Variants in LRP1B observed in about 807,000 individuals in gnomAD.
LRP1B encodes the protein LDL receptor related protein 1B.
A neutral mutation model predicts 556.6 loss-of-function variants in LRP1B; 217 were observed. That is an observed-to-expected ratio of 0.39 (90% CI 0.35 to 0.44). LRP1B has a LOEUF of 0.44. Ranked by LOEUF, LRP1B falls within the 20% of genes least tolerant of loss-of-function variation. The probability of loss-of-function intolerance (pLI) is 1.00; values close to 1 mark genes in which losing one functional copy is unlikely to be tolerated. For synonymous variants in LRP1B, 2,047 were observed against 1,865.8 expected (o/e 1.10, Z -2.50); for missense variants, 5,053 against 5,620.8 (o/e 0.90, Z 3.23).
At chr2:141,847,566 A>G (rs1574422844) in intron 1 of LRP1B, among the ~76,000 whole-genome samples, 1 of 151,730 alleles carries the variant, frequency 6.6e-6, no homozygotes, top group Non-Finnish European at 1.5e-5. Context: ...TATAATATTT[A>G]CAAATATGTG....
At chr2:141,857,600 G>A (rs1574434138) in intron 1 of LRP1B, among the ~76,000 whole-genome samples, 1 of 152,000 alleles carries the variant, frequency 6.6e-6, no homozygotes, top group Non-Finnish European at 1.5e-5. Context: ...ACCTCCTAAA[G>A]TGCCAGGATT....
intron 83 of LRP1B, among the ~76,000 whole-genome samples, chr2:140,301,998 C>G (rs1683852784): frequency 6.6e-6 from 1 of 152,022 alleles, no homozygotes; most frequent in Admixed American, 6.6e-5. Context: ...AATTACTTCT[C>G]AACCATTATC....
At chr2:140,745,567 GTA>G (rs1688287950) in intron 35 of LRP1B, among the ~76,000 whole-genome samples, 1 of 152,098 alleles carries the variant, frequency 6.6e-6, no homozygotes, top group Non-Finnish European at 1.5e-5. Flanking sequence ...TTTTCTGTGT[GTA>G]TATGTGTGTG....
intron 35 of LRP1B, among the ~76,000 whole-genome samples, chr2:140,741,983 T>G (rs1209998090): frequency 6.6e-6 from 1 of 152,190 alleles, no homozygotes; most frequent in Admixed American, 6.5e-5. Flanking sequence ...CACACTAGTA[T>G]TAGTTGACTA....
intron 5 of LRP1B, among the ~76,000 whole-genome samples, chr2:141,233,623 G>A (rs757247027): frequency 6.6e-6 from 1 of 151,972 alleles, no homozygotes; most frequent in Non-Finnish European, 1.5e-5. Flanking sequence ...TCTTCTCACA[G>A]TCAAAAATAT....
intron 31 of LRP1B, among the ~76,000 whole-genome samples, chr2:140,831,098 G>C (rs1310900510): frequency 6.6e-6 from 1 of 152,004 alleles, no homozygotes; most frequent in Admixed American, 6.6e-5. Context: ...TCATGGAGTA[G>C]AACAATTAGA....
rs915222680 is a variant in LRP1B, at chr2:141,035,817, C to A, written c.1789+13169G>T. On this transcript the variant is annotated intron_variant, in intron 11 of 90. Transcript: ENST00000389484. ...AAATCTTTTTGCATCAAGTAAAATGCCTTTATGTGTAAACTGTGGATATTT... is the reference window on the plus strand; with the variant it reads ...AAATCTTTTTGCATCAAGTAAAATGACTTTATGTGTAAACTGTGGATATTT... 2.6e-5 allele frequency among the ~76,000 whole-genome samples: 4 copies of A among 151,984 alleles called. No individual in the cohort carries two copies. The South Asian group carries it at 6.2e-4, about 24-fold the overall frequency.
chr2:140,773,620 T>C (rs542251564), intron 33 of LRP1B, among the ~76,000 whole-genome samples: 1 of 151,152 alleles, frequency 6.6e-6, no homozygotes, highest in South Asian at 2.1e-4. Flanking sequence ...ATATAATATT[T>C]CAGATAAATA....
chr2:141,010,027 A>G (rs1200310094), intron 14 of LRP1B, among the ~76,000 whole-genome samples: 1 of 152,086 alleles, frequency 6.6e-6, no homozygotes, highest in Admixed American at 6.6e-5. Context: ...TACCTATTTT[A>G]AATATATGTT....
rs2105095052 is a variant in LRP1B, at chr2:140,840,038, T to A, written c.5162A>T (p.Asp1721Val). The A allele has an allele frequency of 6.2e-7, 1 of 1,611,646 alleles. No homozygotes were observed. The highest frequency in any genetic ancestry group is 8.5e-7 in the Non-Finnish European group (1 of 1,179,388). ...DGNTINMANM[D>V]GSNSKILFQN... ...AAACAGAATCTTGCTATTACTGCCA[T>A]CCATATTTGCCATGTTAATTGTGTT... Residue 1721 changes from aspartate (D) to valine (V), a missense_variant, in exon 31 of 91, where the codon GAT (aspartate) becomes GTT (valine). By Grantham distance (152) the Asp-to-Val change is radical. Around this residue, in one of 5 missense-constraint regions of LRP1B, gnomAD observed 3,619 missense variants for 3,931.9 expected, o/e 0.92. Transcript: ENST00000389484.
intron 1 of LRP1B, among the ~76,000 whole-genome samples, chr2:141,957,397 C>T (rs901998362): frequency 1.9e-4 from 4 of 20,732 alleles, no homozygotes; most frequent in East Asian, 9.7e-4. Flanking sequence ...GGGGGGGGGG[C>T]GGGGGGGTGT....
At chr2:140,885,238 T>C (rs1693598689) in intron 24 of LRP1B, among the ~76,000 whole-genome samples, 2 of 152,198 alleles carry the variant, frequency 1.3e-5, no homozygotes, top group Non-Finnish European at 1.5e-5. Context: ...ATGACCATTT[T>C]TCAAAATTGC....
chr2:141,009,104 G>C (rs1327642850), intron 14 of LRP1B, among the ~76,000 whole-genome samples: 1 of 151,624 alleles, frequency 6.6e-6, no homozygotes, highest in Non-Finnish European at 1.5e-5. Flanking sequence ...ATGTGTCCTG[G>C]ACTCTTGACT....
chr2:140,324,524 T>C (rs925491942), intron 80 of LRP1B, among the ~76,000 whole-genome samples: 3 of 152,008 alleles, frequency 2.0e-5, no homozygotes, highest in Admixed American at 6.6e-5. Flanking sequence ...AATGAGTAAA[T>C]CCAAAAATAA....
At chr2:140,326,787 C>A (rs1204115992) in intron 79 of LRP1B, among the ~76,000 whole-genome samples, 2 of 151,984 alleles carry the variant, frequency 1.3e-5, no homozygotes, top group African/African-American at 2.4e-5. Context: ...TCTGAGAGTG[C>A]TTGTCTTCAG....
At chr2:142,075,174 G>C (rs1189799262) in intron 1 of LRP1B, among the ~76,000 whole-genome samples, 4 of 152,012 alleles carry the variant, frequency 2.6e-5, no homozygotes, top group African/African-American at 9.7e-5. Flanking sequence ...AAACACAAAA[G>C]GGTGGTTGAA....
At chr2:140,683,634 G>A (rs1685941339) in intron 41 of LRP1B, 1 of 697,718 alleles carries the variant, frequency 1.4e-6, no homozygotes, top group Non-Finnish European at 2.7e-6. Context: ...CAGCTCCCAG[G>A]TATTCCATCC....
At chr2:140,665,994 A>AT (rs201186602) in intron 41 of LRP1B, among the ~76,000 whole-genome samples, 9,394 of 144,132 alleles carry the variant, frequency 0.065, 356 homozygotes, top group East Asian at 0.12. Context: ...AAAAAAAAAA[A>AT]TTTTTTTTTT....
At chr2:141,925,730 T>C (rs771961428) in intron 1 of LRP1B, among the ~76,000 whole-genome samples, 8 of 152,162 alleles carry the variant, frequency 5.3e-5, no homozygotes, top group Non-Finnish European at 7.4e-5. Context: ...ATGCTGCTAA[T>C]ATAGACATGC....
Sources: gnomAD v4.1 joint callset for allele counts (sites outside exome capture counted in the v4.1 genomes callset) on GRCh38, gnomAD v4.1.1 for gene constraint, gnomAD v4.1.1 regional missense constraint, MANE v1.5 for transcripts, NCBI Gene and HGNC (gene_info 2026-07-23, HGNC 2026-07-21) for gene names.